Variants in TEX14 observed in about 807,000 individuals in gnomAD.
TEX14 encodes inactive serine/threonine-protein kinase TEX14.
A neutral mutation model predicts 178.6 loss-of-function variants in TEX14; 168 were observed. That is an observed-to-expected ratio of 0.94 (90% confidence interval 0.83 to 1.07). The LOEUF is 1.07. TEX14 is among the 50% of genes least tolerant of loss of function. The pLI, the probability that TEX14 is intolerant of heterozygous loss-of-function variation, is 0.00. For missense variants in TEX14, 1,730 were observed against 1,753.6 expected (o/e 0.99, Z 0.24); for synonymous variants, 626 against 634.1 (o/e 0.99, Z 0.19).
intron 1 of TEX14, among the ~76,000 whole-genome samples, chr17:58,656,274 AT>A (rs1235091860): frequency 6.6e-6 from 1 of 152,028 alleles, no homozygotes; most frequent in Non-Finnish European, 1.5e-5. Context: ...TGAAACCCCC[AT>A]CTGTACTAAA....
At chr17:58,659,260 A>T in intron 1 of TEX14, 1 of 797,854 alleles carries the variant, frequency 1.3e-6, no homozygotes, top group Non-Finnish European at 1.5e-6. Context: ...CCCAAGAAAA[A>T]CACTTTATCA....
At chr17:58,643,998 T>C (rs1047062275) in intron 2 of TEX14, among the ~76,000 whole-genome samples, 2 of 136,082 alleles carry the variant, frequency 1.5e-5, no homozygotes, top group African/African-American at 5.7e-5. Context: ...CATTTGAAAA[T>C]GCAAATCTAT....
intron 1 of TEX14, chr17:58,660,803 G>C (rs779608817): frequency 7.7e-6 from 6 of 781,782 alleles, no homozygotes; most frequent in Admixed American, 1.7e-5. Flanking sequence ...CACTGTCATG[G>C]AAGCCAGACT....
chr17:58,622,903 T>C lies in TEX14; in HGVS notation c.361A>G (p.Arg121Gly). The change falls in exon 4 of 32, where the codon AGG (arginine) becomes GGG (glycine). Residue 121 changes from arginine (R) to glycine (G), a missense_variant. Around this residue, in one of 2 missense-constraint regions of TEX14, gnomAD observed 789 missense variants for 681.2 expected, o/e 1.16. Coordinates refer to ENST00000349033, the MANE Select transcript of TEX14 (RefSeq NM_031272.5). ...AGGDLRLHDE[R>G]GQNPKTWALT... The stretch of plus-strand genomic sequence containing the variant: ...GCCCAAGTCTTCGGGTTTTGACCCC[T>C]CTCATCGTGGAGTCGCAGGTCACCT... The C allele has an allele frequency of 6.2e-7, 1 of 1,613,346 alleles. No homozygotes were observed. Among genetic ancestry groups the C allele is most frequent in the Non-Finnish European group, 8.5e-7 (1 of 1,179,458 alleles).
intron 11 of TEX14, among the ~76,000 whole-genome samples, chr17:58,604,260 C>T (rs1228817745): frequency 6.6e-6 from 1 of 151,520 alleles, no homozygotes; most frequent in Non-Finnish European, 1.5e-5. Context: ...ATCACAAGGT[C>T]AAGCGATCGA....
In TEX14 at chr17:58,565,796, G is replaced by A. The variant is rs1204764879; in HGVS notation, c.3915C>T (p.Ser1305=). 1.2e-6 allele frequency: 2 copies of A among 1,609,250 alleles called. No homozygotes were observed. The highest frequency in any genetic ancestry group is 2.7e-5 in the African/African-American group (2 of 74,868). ...IELLKQQQGS[S]TVLHENTASD... Reference sequence around the variant, plus strand: ...TTGCTGTGTTCTCATGCAACACCGTGGATGAGCCCTGCTGCTGTTTCAAGA... The same window carrying A: ...TTGCTGTGTTCTCATGCAACACCGTAGATGAGCCCTGCTGCTGTTTCAAGA... The change falls in exon 27 of 32, where the codon TCC becomes TCT. Residue 1305 remains serine, a synonymous_variant. Transcript: ENST00000349033.
rs9893428 is a variant in TEX14, at chr17:58,672,711, C to T, written c.-2+19228G>A. ...TGCTGGGATTACAACTGTGAGCCAC[C>T]ATACCCAGTCGGCATTCCTTTTTTT... On this transcript the variant is annotated intron_variant, in intron 1 of 31. Coordinates refer to ENST00000349033, the MANE Select transcript of TEX14 (RefSeq NM_031272.5). 1.2e-3 allele frequency among the ~76,000 whole-genome samples: 181 copies of T among 151,922 alleles called. 1 individual carries two copies. The highest frequency in any genetic ancestry group is 4.3e-3 in the African/African-American group (178 of 41,456).
intron 24 of TEX14, among the ~76,000 whole-genome samples, chr17:58,571,034 A>G (rs1241067606): frequency 2.6e-5 from 4 of 152,032 alleles, no homozygotes; most frequent in Non-Finnish European, 5.9e-5. Flanking sequence ...TGAGGCAGGG[A>G]TCATGTCTTT....
chr17:58,640,998 G>C (rs2046561560), intron 2 of TEX14, among the ~76,000 whole-genome samples: 1 of 152,070 alleles, frequency 6.6e-6, no homozygotes, highest in Non-Finnish European at 1.5e-5. Context: ...GGGATTATAG[G>C]CATGAGCCAC....
chr17:58,561,612 T>C lies in TEX14; in HGVS notation c.4065A>G (p.Arg1355=), dbSNP rs748152493. 3 of 1,609,070 alleles carry C rather than the reference T, an allele frequency of 1.9e-6. No individual in the cohort carries two copies. ...ETEDLGEDTE[R]AHSTLDEDLE... ...GGTCCTCATCCAGAGTAGAGTGAGC[T>C]CTGTTTAAGGACAAGTGAAGAGAAT... Residue 1355 remains arginine (R), a splice_region_variant and synonymous_variant, in exon 29 of 32, where the codon AGA becomes AGG. Transcript: ENST00000349033.
chr17:58,643,635 C>T (rs573224762), intron 2 of TEX14, among the ~76,000 whole-genome samples: 9 of 151,686 alleles, frequency 5.9e-5, no homozygotes, highest in South Asian at 4.2e-4. Flanking sequence ...TTTGGGAGGC[C>T]GAGGCAGGCA....
chr17:58,607,034 AAAG>A (rs1237689954), intron 10 of TEX14, among the ~76,000 whole-genome samples: 1 of 146,588 alleles, frequency 6.8e-6, no homozygotes, highest in Non-Finnish European at 1.5e-5. Context: ...AAAAAAAAAA[AAAG>A]GAAGGAGCTG....
chr17:58,567,229 C>A (rs960473461), intron 26 of TEX14, among the ~76,000 whole-genome samples: 2 of 152,136 alleles, frequency 1.3e-5, no homozygotes, highest in Admixed American at 1.3e-4. Flanking sequence ...TAGACTAAGA[C>A]AAGCATCTGC....
At chr17:58,563,652 TATATATAGAGAGAG>T (rs1240212181) in intron 28 of TEX14, among the ~76,000 whole-genome samples, 1 of 22,510 alleles carries the variant, frequency 4.4e-5, no homozygotes, top group Non-Finnish European at 6.9e-5. Context: ...TATATATATA[TATATATAGAGAGAG>T]AGAGAGAGAG....
chr17:58,598,193 A>T (rs1326546306), intron 14 of TEX14, among the ~76,000 whole-genome samples: 1 of 152,024 alleles, frequency 6.6e-6, no homozygotes, highest in Non-Finnish European at 1.5e-5. Context: ...GCATGACTGT[A>T]ATCCCACCTG....
chr17:58,659,245 C>A, intron 1 of TEX14: 1 of 591,226 alleles, frequency 1.7e-6, no homozygotes, highest in Non-Finnish European at 2.0e-6. Context: ...TAGTAAAAAC[C>A]CTCCCCCAAG....
At chr17:58,684,567 A>G (rs1048450340) in intron 1 of TEX14, among the ~76,000 whole-genome samples, 1 of 151,878 alleles carries the variant, frequency 6.6e-6, no homozygotes, top group African/African-American at 2.4e-5. Context: ...CCAGGGAGGC[A>G]GTGGTGGCAG....
chr17:58,611,304 A>G lies in TEX14; in HGVS notation c.1041T>C (p.Ile347=). 6.2e-7 allele frequency: 1 copy of G among 1,613,654 alleles called. No individual in the cohort carries two copies. The highest frequency in any genetic ancestry group is 8.5e-7 in the Non-Finnish European group (1 of 1,179,758). Residue 347 remains isoleucine (I), a synonymous_variant, in exon 10 of 32, where the codon ATT becomes ATC. Transcript: ENST00000349033. ...CAGATATCTGGAGCAGCAGGTGCAC[A>G]ATCACCTCCATGTGCAGCACTGGGA... ...SQFPVLHMEV[I]VHLLLQISDA...
intron 30 of TEX14, 114 bp from the exon 31 acceptor site, chr17:58,557,964 TGG>T: frequency 1.4e-6 from 1 of 714,986 alleles, no homozygotes; most frequent in Non-Finnish European, 2.4e-6. Context: ...TTACCTACAA[TGG>T]TTGTTATATT....
Sources: gnomAD v4.1 joint callset for allele counts (sites outside exome capture counted in the v4.1 genomes callset) on GRCh38, gnomAD v4.1.1 for gene constraint, gnomAD v4.1.1 regional missense constraint, MANE v1.5 for transcripts, NCBI Gene and HGNC (gene_info 2026-07-23, HGNC 2026-07-21) for gene names.